Variants in EGFLAM observed in about 807,000 individuals in gnomAD.
EGFLAM encodes pikachurin.
A neutral mutation model predicts 113.1 loss-of-function variants in EGFLAM; 79 were observed. That is an observed-to-expected ratio of 0.70 (90% CI 0.58 to 0.84). The LOEUF is 0.84. Ranked by LOEUF, EGFLAM falls within the 40% of genes least tolerant of loss-of-function variation. The probability of loss-of-function intolerance (pLI) is 0.00; values close to 1 mark genes in which losing one functional copy is unlikely to be tolerated. For synonymous variants in EGFLAM, 504 were observed against 487.6 expected (o/e 1.03, Z -0.44); for missense variants, 1,265 against 1,291.6 (o/e 0.98, Z 0.32).
chr5:38,292,467 A>T (rs1310275807), intron 1 of EGFLAM, among the ~76,000 whole-genome samples: 1 of 152,232 alleles, frequency 6.6e-6, no homozygotes, highest in African/African-American at 2.4e-5. Flanking sequence ...CAGGTAACCT[A>T]AAAGTTTGCT....
intron 6 of EGFLAM, chr5:38,400,004 T>C (rs1741065224): frequency 6.6e-6 from 1 of 152,200 alleles, no homozygotes; most frequent in South Asian, 2.1e-4. Context: ...ACCTGCAATA[T>C]GTCTAAATTA....
chr5:38,411,299 G>GCA (rs2112141487), intron 10 of EGFLAM, among the ~76,000 whole-genome samples: 1 of 151,996 alleles, frequency 6.6e-6, no homozygotes, highest in East Asian at 2.0e-4. Context: ...GTGGTGGCAT[G>GCA]CGCCTGTAGT....
At chr5:38,423,526 C>T (rs961622014) in intron 12 of EGFLAM, among the ~76,000 whole-genome samples, 12 of 152,156 alleles carry the variant, frequency 7.9e-5, no homozygotes, top group Non-Finnish European at 1.0e-4. Context: ...ACAAGGATCC[C>T]GCTTCTTCCT....
intron 17 of EGFLAM, among the ~76,000 whole-genome samples, chr5:38,446,228 G>A (rs940360666): frequency 2.0e-5 from 3 of 152,058 alleles, no homozygotes; most frequent in Admixed American, 6.5e-5. Flanking sequence ...CATTTTTGCA[G>A]TTCCCTGCCG....
intron 20 of EGFLAM, among the ~76,000 whole-genome samples, chr5:38,460,555 C>A (rs1743237562): frequency 6.6e-6 from 1 of 152,190 alleles, no homozygotes; most frequent in Non-Finnish European, 1.5e-5. Flanking sequence ...GGGCACCATG[C>A]AGATGGCTTA....
rs147824577 is a variant in EGFLAM at position 38,261,747 on chromosome 5, A to G, written c.97+2896A>G. Among the ~76,000 whole-genome samples the G allele has an allele frequency of 3.9e-4, 59 of 152,334 alleles. 1 individual carries two copies. In the East Asian group the frequency reaches 0.01, roughly 26 times the overall value. On this transcript the variant is annotated intron_variant, in intron 1 of 21. Coordinates refer to ENST00000322350, the MANE Select transcript of EGFLAM (RefSeq NM_152403.4). ...ATCTGCCCATGCCTGCTAAGACAAC[A>G]GAGTGCATATGATACTGAAAGAATT...
At chr5:38,438,245 C>T (rs757730152) in intron 16 of EGFLAM, 30 bp from the exon 17 acceptor site, 1 of 1,592,378 alleles carries the variant, frequency 6.3e-7, no homozygotes, top group Admixed American at 1.7e-5. Context: ...TTCTTAATTC[C>T]TGAATTTCTT....
chr5:38,431,198 G>C lies in EGFLAM; in HGVS notation c.2076G>C (p.Leu692=). 1 of 1,614,108 alleles carries C rather than the reference G, an allele frequency of 6.2e-7. No homozygotes were observed. Among genetic ancestry groups the C allele is most frequent in the South Asian group, 1.1e-5 (1 of 91,084 alleles). ...ACAGGAGTGAAGATCCCCTCACCCT[G>C]GGCAACTGGCACGAGCTTCGTGTAT... ...GVLRSEDPLT[L]GNWHELRVSR... is the part of the protein sequence containing the mutation. Residue 692 remains leucine (L), a synonymous_variant, in exon 15 of 22, where the codon CTG becomes CTC. Coordinates refer to ENST00000322350, the MANE Select transcript of EGFLAM (RefSeq NM_152403.4).
intron 1 of EGFLAM, among the ~76,000 whole-genome samples, chr5:38,272,010 A>G (rs1432871448): frequency 6.6e-6 from 1 of 152,214 alleles, no homozygotes; most frequent in African/African-American, 2.4e-5. Context: ...ATGTGCCAAC[A>G]TTTTTGCACA....
Position 38,412,810 on chromosome 5 carries a change from G to A in EGFLAM, c.1494+162G>A, listed in dbSNP as rs369359308. Among the ~76,000 whole-genome samples the A allele has an allele frequency of 3.0e-4, 45 of 152,266 alleles. 2 individuals carry two copies. In the South Asian group the frequency reaches 9.4e-3, roughly 32 times the overall value. On this transcript the variant is annotated intron_variant, in intron 11 of 21. Transcript: ENST00000322350. Reference sequence around the variant, plus strand: ...TGGTGAACCCATGCAACAGACCTTTGATGTGCTACTGAGTGGTCTTGCACT... The same window carrying A: ...TGGTGAACCCATGCAACAGACCTTTAATGTGCTACTGAGTGGTCTTGCACT...
chr5:38,457,758 T>C (rs760214207), intron 19 of EGFLAM, among the ~76,000 whole-genome samples: 9 of 152,196 alleles, frequency 5.9e-5, no homozygotes, highest in Non-Finnish European at 1.2e-4. Flanking sequence ...TTGTTATTCC[T>C]GATACTTTAG....
At chr5:38,302,913 ACTC>A (rs1758630687) in intron 1 of EGFLAM, among the ~76,000 whole-genome samples, 1 of 152,032 alleles carries the variant, frequency 6.6e-6, no homozygotes, top group Non-Finnish European at 1.5e-5. Flanking sequence ...CATCCTCACT[ACTC>A]CTGGCTATCC....
intron 1 of EGFLAM, among the ~76,000 whole-genome samples, chr5:38,287,545 T>C (rs1031505538): frequency 6.6e-6 from 1 of 152,208 alleles, no homozygotes; most frequent in Non-Finnish European, 1.5e-5. Flanking sequence ...CCAAGTTTTG[T>C]ATTTTTTGTA....
At chr5:38,451,585 A>G (rs1357238189) in intron 19 of EGFLAM, 127 bp downstream of exon 19, 1 of 1,357,112 alleles carries the variant, frequency 7.4e-7, no homozygotes, top group African/African-American at 1.5e-5. Context: ...CTGAAGCTTC[A>G]AGGCTTATTG....
chr5:38,298,793 T>C (rs1758506902), intron 1 of EGFLAM, among the ~76,000 whole-genome samples: 1 of 152,054 alleles, frequency 6.6e-6, no homozygotes, highest in South Asian at 2.1e-4. Flanking sequence ...GTCAACCTCC[T>C]GGGCTCAGGT....
chr5:38,399,318 C>A (rs1741045715), intron 6 of EGFLAM, among the ~76,000 whole-genome samples: 1 of 141,968 alleles, frequency 7.0e-6, no homozygotes, highest in East Asian at 2.1e-4. Flanking sequence ...TACTCTGTCA[C>A]CCAGGCTGGA....
At chr5:38,274,581 A>G (rs1038943713) in intron 1 of EGFLAM, among the ~76,000 whole-genome samples, 4 of 152,180 alleles carry the variant, frequency 2.6e-5, no homozygotes, top group African/African-American at 9.7e-5. Flanking sequence ...AAAACTGCCA[A>G]CCAAGAATAC....
chr5:38,382,972 G>C (rs1283199130), intron 6 of EGFLAM, among the ~76,000 whole-genome samples: 2 of 152,176 alleles, frequency 1.3e-5, no homozygotes, highest in African/African-American at 4.8e-5. Context: ...GGGCATGCCA[G>C]CCACAGCTGC....
At chr5:38,412,311 C>T (rs535341941) in intron 10 of EGFLAM, among the ~76,000 whole-genome samples, 193 bp from the exon 11 acceptor site, 62 of 152,280 alleles carry the variant, frequency 4.1e-4, no homozygotes, top group South Asian at 6.2e-4. Flanking sequence ...GATAACTAGA[C>T]GGAGATCGTC....
Sources: gnomAD v4.1 joint callset for allele counts (sites outside exome capture counted in the v4.1 genomes callset) on GRCh38, gnomAD v4.1.1 for gene constraint, MANE v1.5 for transcripts, NCBI Gene and HGNC (gene_info 2026-07-23, HGNC 2026-07-21) for gene names.